Variants in SRGAP2 observed in about 807,000 individuals in gnomAD.
The protein encoded by SRGAP2 is SLIT-ROBO Rho GTPase activating protein 2.
SRGAP2 carries 15 observed loss-of-function variants against 57.2 expected under a neutral mutation model. The ratio of observed to expected loss-of-function variants is 0.26; its 90% confidence interval spans 0.18 to 0.40. The LOEUF is 0.40. SRGAP2 is among the 10% of genes least tolerant of loss of function. SRGAP2 has a pLI of 1.00. For missense variants in SRGAP2, 520 were observed against 669.6 expected, an observed-to-expected ratio of 0.78 and a Z score of 2.47; for synonymous variants, 249 against 248.0, an observed-to-expected ratio of 1.00 and a Z score of -0.04.
At chr1:206,432,508 G>A (rs542654081) in intron 14 of SRGAP2, among the ~76,000 whole-genome samples, 1 of 152,256 alleles carries the variant, frequency 6.6e-6, no homozygotes, top group Admixed American at 6.5e-5. Flanking sequence ...TAGTTGCAAA[G>A]TATTAGAAAC....
At chr1:206,258,859 G>T (rs1669370163) in intron 2 of SRGAP2, among the ~76,000 whole-genome samples, 1 of 144,862 alleles carries the variant, frequency 6.9e-6, no homozygotes, top group Non-Finnish European at 1.5e-5. Flanking sequence ...CTGCCAGGAA[G>T]AAGGAATTAA....
At chr1:206,387,011 A>G (rs1168232112) in intron 5 of SRGAP2, among the ~76,000 whole-genome samples, 2 of 149,522 alleles carry the variant, frequency 1.3e-5, no homozygotes, top group East Asian at 4.0e-4. Context: ...CTATAGTCCC[A>G]GCTACTCAGG....
chr1:206,265,813 C>T (rs1174478704), intron 2 of SRGAP2, among the ~76,000 whole-genome samples: 1 of 149,832 alleles, frequency 6.7e-6, no homozygotes, highest in Non-Finnish European at 1.5e-5. Context: ...GTGTTTTTTT[C>T]TCTCCAGCTT....
At position 206,373,044 on chromosome 1, in the gene SRGAP2, C is replaced by A. The variant is rs1654843533; in HGVS notation, c.424-10970C>A. 2.3e-5 allele frequency among the ~76,000 whole-genome samples: 3 copies of A among 132,374 alleles called. No individual in the cohort carries two copies. In the Admixed American group the frequency reaches 2.4e-4, roughly 11 times the overall value. The allele number at this position is 132,374 out of a possible 152,430, so 86.8% of individuals were successfully genotyped here. On this transcript the variant is annotated intron_variant, in intron 4 of 22. Transcript: ENST00000573034. ...TTCTTTCTTTTCTTTCTCTCTCTCTCTCTTTCTCTCTCTCTCTCTGCCCCC... is the reference window on the plus strand; with the variant it reads ...TTCTTTCTTTTCTTTCTCTCTCTCTATCTTTCTCTCTCTCTCTCTGCCCCC...
intron 15 of SRGAP2, chr1:206,437,480 C>T (rs1661878385): frequency 5.6e-6 from 1 of 177,874 alleles, no homozygotes. Context: ...TTGAGGTTGG[C>T]CCTATCATTA....
chr1:206,323,526 A>G (rs1406593460), intron 3 of SRGAP2, among the ~76,000 whole-genome samples: 6 of 151,260 alleles, frequency 4.0e-5, no homozygotes, highest in African/African-American at 1.5e-4. Context: ...TCTCCTTGCC[A>G]TTCTCCCTGA....
intron 2 of SRGAP2, among the ~76,000 whole-genome samples, chr1:206,210,455 T>C (rs1336515474): frequency 3.1e-5 from 4 of 128,810 alleles, no homozygotes; most frequent in Admixed American, 8.1e-5. Flanking sequence ...ACAGTGTGTG[T>C]GCACCACAGA....
chr1:206,309,493 G>A (rs1178176602), intron 3 of SRGAP2, among the ~76,000 whole-genome samples: 5 of 149,680 alleles, frequency 3.3e-5, no homozygotes, highest in African/African-American at 1.0e-4. Context: ...TTGGGGGAGT[G>A]GAAAGGAAGT....
intron 21 of SRGAP2, among the ~76,000 whole-genome samples, chr1:206,457,649 C>G (rs1663950199): frequency 6.6e-6 from 1 of 152,196 alleles, no homozygotes; most frequent in Non-Finnish European, 1.5e-5. Context: ...GGGCCAGGCC[C>G]TGCAGGCAGA....
At chr1:206,378,467 A>G (rs1221423790) in intron 4 of SRGAP2, among the ~76,000 whole-genome samples, 5 of 152,226 alleles carry the variant, frequency 3.3e-5, no homozygotes, top group African/African-American at 9.6e-5. Context: ...AGCCTGGGCA[A>G]TAGAGCAAGA....
At chr1:206,221,359 A>G (rs1207157341) in intron 2 of SRGAP2, among the ~76,000 whole-genome samples, 4 of 151,176 alleles carry the variant, frequency 2.6e-5, no homozygotes, top group Admixed American at 6.6e-5. Context: ...TTATAACACA[A>G]TGCCTGAAAC....
chr1:206,444,276 G>A (rs1662561884), intron 17 of SRGAP2, among the ~76,000 whole-genome samples: 1 of 152,118 alleles, frequency 6.6e-6, no homozygotes, highest in African/African-American at 2.4e-5. Flanking sequence ...ATTTTGATGG[G>A]AGCAAGAAAA....
intron 13 of SRGAP2, among the ~76,000 whole-genome samples, chr1:206,426,741 C>T (rs1660833720): frequency 1.3e-5 from 2 of 152,152 alleles, no homozygotes; most frequent in South Asian, 4.1e-4. Context: ...TTTTCACATA[C>T]CTGTTGGCCA....
intron 22 of SRGAP2, 124 bp downstream of exon 22, chr1:206,459,071 A>G: frequency 1.6e-6 from 1 of 617,676 alleles, no homozygotes; most frequent in Non-Finnish European, 3.0e-6. Context: ...TACTGAGTAT[A>G]TGTCCACTCT....
chr1:206,315,911 A>G (rs554327046), intron 3 of SRGAP2, among the ~76,000 whole-genome samples: 3 of 151,530 alleles, frequency 2.0e-5, no homozygotes, highest in Admixed American at 2.0e-4. Flanking sequence ...AAGGATATAT[A>G]TAATGTATAT....
At chr1:206,235,861 A>AAGTAAGTCGTAT (rs1352562684) in intron 2 of SRGAP2, among the ~76,000 whole-genome samples, 466 of 1,862 alleles carry the variant, frequency 0.25, 87 homozygotes, top group East Asian at 0.63. Context: ...TTTAGAGCGC[A>AAGTAAGTCGTAT]AGTAAGTCGT....
chr1:206,423,143 C>CT (rs1407047791), intron 13 of SRGAP2, among the ~76,000 whole-genome samples: 1 of 152,090 alleles, frequency 6.6e-6, no homozygotes, highest in East Asian at 1.9e-4. Flanking sequence ...CATCCCAGAC[C>CT]TTTTTTAAAA....
intron 17 of SRGAP2, among the ~76,000 whole-genome samples, chr1:206,445,706 GT>G (rs1424749694): frequency 6.6e-6 from 1 of 152,210 alleles, no homozygotes; most frequent in Non-Finnish European, 1.5e-5. Flanking sequence ...TAGTATGTTG[GT>G]GTGTAGCAGC....
At chr1:206,422,472 A>G (rs1660403437) in intron 13 of SRGAP2, among the ~76,000 whole-genome samples, 1 of 152,176 alleles carries the variant, frequency 6.6e-6, no homozygotes, top group African/African-American at 2.4e-5. Context: ...ATTTAAAACT[A>G]GAGAGGAATG....
Sources: gnomAD v4.1 joint callset for allele counts (sites outside exome capture counted in the v4.1 genomes callset) on GRCh38, gnomAD v4.1.1 for gene constraint, MANE v1.5 for transcripts, NCBI Gene and HGNC (gene_info 2026-07-23, HGNC 2026-07-21) for gene names.